Variants in USP36 observed in about 807,000 individuals in gnomAD.
The protein encoded by USP36 is ubiquitin specific peptidase 36.
USP36 carries 59 observed loss-of-function variants against 111.5 expected under a neutral mutation model. That is an observed-to-expected ratio of 0.53 (90% CI 0.43 to 0.66). USP36 has a LOEUF of 0.66. Ranked by LOEUF, USP36 falls within the 30% of genes least tolerant of loss-of-function variation. USP36 has a pLI of 0.00. For synonymous variants in USP36, 628 were observed against 581.0 expected (o/e 1.08, Z -1.16); for missense variants, 1,488 against 1,468.0 (o/e 1.01, Z -0.22).
rs2093656856 is a variant in USP36, at chr17:78,798,068, C to G, written c.*21-189G>C. 1 of 286,394 alleles carries G rather than the reference C, an allele frequency of 3.5e-6. No homozygotes were observed. The highest frequency in any genetic ancestry group is 6.7e-6 in the Non-Finnish European group (1 of 148,150). 17.7% of individuals were successfully genotyped at this position (286,394 alleles called of 1,614,324 possible). A position where few individuals can be genotyped will look rare whatever the true frequency, so the allele number is the denominator to read the frequency against. On this transcript the variant is annotated intron_variant, in intron 20 of 20. Transcript: ENST00000449938. This position sits in a 1 kb window ranked among gnomAD's most constrained non-coding sequence, Gnocchi z 5.1. ...ACACACAACCCACATCCCACACACA[C>G]CCCACACATGCCCTTCTCCAAGTGA...
chr17:78,827,256 A>G lies in USP36; in HGVS notation c.678T>C (p.Asn226=). Residue 226 remains asparagine, a synonymous_variant, in exon 6 of 21, where the codon AAT becomes AAC. Transcript: ENST00000449938. ...GGGGAAGCACGCACTTGGCACAGCC[A>G]TTCAGGCAGGCTTTCTGCATGGCGT... ...TIDAMQKACL[N]GCAKLDRQTQ... is the part of the protein sequence containing the mutation. The G allele has an allele frequency of 1.9e-6, 3 of 1,613,606 alleles. No homozygotes were observed. The highest frequency in any genetic ancestry group is 2.5e-6 in the Non-Finnish European group (3 of 1,179,988).
chr17:78,803,424 C>T lies in USP36; in HGVS notation c.2771G>A (p.Gly924Asp), dbSNP rs944383596. 2 of 1,614,128 alleles carry T rather than the reference C, an allele frequency of 1.2e-6. No homozygotes were observed. The highest frequency in any genetic ancestry group is 8.5e-7 in the Non-Finnish European group (1 of 1,180,022). Residue 924 changes from glycine to aspartate, a missense_variant, in exon 16 of 21, where the codon GGT (glycine) becomes GAT (aspartate). Gly to Asp is a moderately conservative substitution (Grantham distance 94). Around this residue, in one of 3 missense-constraint regions of USP36, gnomAD observed 1,073 missense variants for 994.1 expected, o/e 1.08. Coordinates refer to ENST00000449938, the MANE Select transcript of USP36 (RefSeq NM_001385174.1). The surrounding 1 kb of genome is among the most constrained non-coding windows in gnomAD (Gnocchi z 4.6). ...KRRRKGAEGLGEEGGLHQDPL... is the reference protein window; with the variant it reads ...KRRRKGAEGLDEEGGLHQDPL... ...GTCCTGGTGCAGGCCGCCTTCTTCA[C>T]CAAGACCTTCTGCTCCTTTCCTCCT...
chr17:78,807,961 C>A (rs976744475), intron 13 of USP36, among the ~76,000 whole-genome samples: 6 of 152,142 alleles, frequency 3.9e-5, no homozygotes, highest in African/African-American at 1.4e-4. Flanking sequence ...GCCTCAGCCT[C>A]CAGAAGTGTT....
chr17:78,814,024 A>G (rs558820949), intron 11 of USP36, 151 bp from the exon 12 acceptor site: 26 of 728,420 alleles, frequency 3.6e-5, no homozygotes, highest in Admixed American at 8.0e-5. Context: ...TAAAACGTGT[A>G]ATATTTTCAT....
chr17:78,794,955 G>A (rs1241248992), downstream of USP36, among the ~76,000 whole-genome samples: 5 of 151,246 alleles, frequency 3.3e-5, no homozygotes, highest in African/African-American at 7.3e-5. Context: ...TGCAGTGAGC[G>A]GAGAATCGTG....
At chr17:78,840,332 G>A (rs4796819) in intron 1 of USP36, 26,367 of 151,634 alleles carry the variant, frequency 0.17, 2,920 homozygotes, top group Admixed American at 0.28. Flanking sequence ...TGCCCGCCCC[G>A]GGGCCGCACC....
Position 78,807,580 on chromosome 17 carries a change from G to A in USP36, c.1464C>T (p.Pro488=). 1 of 1,597,130 alleles carries A rather than the reference G, an allele frequency of 6.3e-7. No homozygotes were observed. The highest frequency in any genetic ancestry group is 8.5e-7 in the Non-Finnish European group (1 of 1,171,820). Residue 488 remains proline (P), a synonymous_variant, in exon 14 of 21, where the codon CCC becomes CCT. Coordinates refer to ENST00000449938, the MANE Select transcript of USP36 (RefSeq NM_001385174.1). The part of the protein sequence containing the change: ...KPHTTEEIGV[P]ISRNGSTLGL... Reference sequence around the variant, plus strand: ...CCAGGGTGGAGCCATTCCTGGATATGGGCACACCAATCTCTTCAGTGGTGT... The same window carrying A: ...CCAGGGTGGAGCCATTCCTGGATATAGGCACACCAATCTCTTCAGTGGTGT...
chr17:78,819,951 T>C lies in USP36; in HGVS notation c.890A>G (p.Glu297Gly), dbSNP rs774673908. 3 of 1,614,122 alleles carry C rather than the reference T, an allele frequency of 1.9e-6. No individual in the cohort carries two copies. The highest frequency in any genetic ancestry group is 3.3e-5 in the Admixed American group (2 of 60,024). ...LFVKADVLSG[E>G]NAYMCAKCKK... ...TTACTTAGCACACATGTAGGCATTC[T>C]CTCCACTCAGGACATCTGCTTTCAC... Residue 297 changes from glutamate (E) to glycine (G), a missense_variant, in exon 9 of 21, where the codon GAG becomes GGG. Transcript: ENST00000449938.
At chr17:78,835,674 A>G (rs1424297558) in intron 3 of USP36, among the ~76,000 whole-genome samples, 173 bp from the exon 4 acceptor site, 2 of 152,208 alleles carry the variant, frequency 1.3e-5, no homozygotes, top group African/African-American at 4.8e-5. Context: ...TCAGGAGTAA[A>G]CCCAGCCATC....
chr17:78,829,644 C>T (rs2067896455), intron 4 of USP36, among the ~76,000 whole-genome samples: 1 of 152,190 alleles, frequency 6.6e-6, no homozygotes, highest in African/African-American at 2.4e-5. Flanking sequence ...GGGGTATGAA[C>T]GTGTTCAATA....
At chr17:78,828,516 G>C (rs2067784679) in intron 5 of USP36, among the ~76,000 whole-genome samples, 1 of 152,038 alleles carries the variant, frequency 6.6e-6, no homozygotes, top group African/African-American at 2.4e-5. Context: ...TACCTGTCCT[G>C]ACCTGCCCCC....
At chr17:78,836,397 A>G in intron 2 of USP36, 25 bp from the exon 3 acceptor site, 1 of 1,600,772 alleles carries the variant, frequency 6.2e-7, no homozygotes, top group Non-Finnish European at 8.5e-7. Flanking sequence ...AGAAACATAG[A>G]GCCATAGATA....
chr17:78,817,583 C>T (rs2094217668), intron 10 of USP36, among the ~76,000 whole-genome samples: 1 of 151,716 alleles, frequency 6.6e-6, no homozygotes. Flanking sequence ...GGCAAAACCC[C>T]ATCTCTACTA....
intron 7 of USP36, 106 bp downstream of exon 7, chr17:78,821,831 T>A: frequency 1.5e-6 from 2 of 1,302,316 alleles, no homozygotes; most frequent in East Asian, 4.7e-5. Context: ...CTGACCCAGG[T>A]CTGCACAGCG....
In USP36 at chr17:78,835,294, T is replaced by G. The variant is rs1245308739; in HGVS notation, c.461A>C (p.Glu154Ala). The G allele has an allele frequency of 6.2e-7, 1 of 1,614,008 alleles. No homozygotes were observed. The highest frequency in any genetic ancestry group is 2.2e-5 in the East Asian group (1 of 44,898). Residue 154 changes from glutamate (E) to alanine (A), a missense_variant, in exon 4 of 21, where the codon GAG becomes GCG. Physicochemically the swap from Glu to Ala is moderately radical, Grantham distance 107. This residue lies in a region of USP36 where 219 missense variants were observed against 209.5 expected (regional missense o/e 1.05). Coordinates refer to ENST00000449938, the MANE Select transcript of USP36 (RefSeq NM_001385174.1). ...CCCACACTCACAGCTGCGAGCATGC[T>G]CCTTGGAGAGCAGGTAGTTGGCTAG... Reference protein sequence around the residue: ...PPLANYLLSKEHARSCHQGSF... With the variant: ...PPLANYLLSKAHARSCHQGSF...
exon 4 of USP36, chr17:78,787,520 A>C (rs2093545778): frequency 6.6e-6 from 1 of 152,216 alleles, no homozygotes; most frequent in Non-Finnish European, 1.5e-5. Context: ...ACTCGTTTAC[A>C]GGTGTATATT....
chr17:78,807,308 A>G lies in USP36; in HGVS notation c.1736T>C (p.Leu579Pro). 1 of 1,614,156 alleles carries G rather than the reference A, an allele frequency of 6.2e-7. No individual in the cohort carries two copies. Among genetic ancestry groups the G allele is most frequent in the South Asian group, 1.1e-5 (1 of 91,076 alleles). ...AGCCAGGAGCTTAGGTGAGGTAGAG[A>G]GGACAACATCCCTGCTGTCCCAGGA... is the stretch of plus-strand genomic sequence containing the variant. ...QGSWDSRDVV[L>P]STSPKLLATA... The change falls in exon 14 of 21, where the codon CTC becomes CCC. Residue 579 changes from leucine (L) to proline (P), a missense_variant. This residue lies in a region of USP36 where 1,073 missense variants were observed against 994.1 expected (regional missense o/e 1.08). Transcript: ENST00000449938.
At position 78,802,536 on chromosome 17, in the gene USP36, C is replaced by G; in HGVS notation, c.2811-1G>C. 1.9e-6 allele frequency: 3 copies of G among 1,603,242 alleles called. No homozygotes were observed. Among genetic ancestry groups the G allele is most frequent in the Non-Finnish European group, 2.5e-6 (3 of 1,179,426 alleles). ...ATCACCATCACCCATGGGAGAGCAG[C>G]TGCTTGGAAGTGAGAGGCAGCAGTC... On this transcript the variant is annotated splice_acceptor_variant, in intron 16 of 20. Transcript: ENST00000449938. LOFTEE classifies it high-confidence loss of function.
downstream of USP36, among the ~76,000 whole-genome samples, chr17:78,794,335 A>C (rs2093606045): frequency 6.6e-6 from 1 of 152,228 alleles, no homozygotes; most frequent in Non-Finnish European, 1.5e-5. Flanking sequence ...CCAAACTGTC[A>C]AACAAAACCT....
Sources: allele counts gnomAD v4.1 joint callset (sites outside exome capture counted in the v4.1 genomes callset), GRCh38; gene constraint gnomAD v4.1.1; regional missense constraint gnomAD v4.1.1; non-coding constraint Gnocchi (gnomAD v3.1); transcripts MANE v1.5; gene names NCBI Gene and HGNC (gene_info 2026-07-23, HGNC 2026-07-21).